Variants in PDE7B observed in about 807,000 individuals in gnomAD.
PDE7B encodes the protein 3',5'-cyclic-AMP phosphodiesterase 7B.
PDE7B carries 29 observed loss-of-function variants against 56.2 expected under a neutral mutation model. The ratio of observed to expected loss-of-function variants is 0.52; its 90% CI spans 0.38 to 0.70. The LOEUF is 0.70. PDE7B is among the 30% of genes least tolerant of loss of function. PDE7B has a pLI of 0.00. For synonymous variants in PDE7B, 197 were observed against 196.9 expected, an observed-to-expected ratio of 1.00 and a Z score of 0.00; for missense variants, 490 against 565.0, an observed-to-expected ratio of 0.87 and a Z score of 1.35.
chr6:136,136,381 T>G (rs1778211589), intron 3 of PDE7B, among the ~76,000 whole-genome samples: 1 of 152,080 alleles, frequency 6.6e-6, no homozygotes, highest in African/African-American at 2.4e-5. Context: ...AAAGAAAATT[T>G]AACAGAAATC....
intron 1 of PDE7B, among the ~76,000 whole-genome samples, chr6:135,933,840 G>C (rs2128197392): frequency 6.6e-6 from 1 of 152,058 alleles, no homozygotes; most frequent in South Asian, 2.1e-4. Context: ...TCTTATTTTT[G>C]TGACCATTCA....
intron 1 of PDE7B, among the ~76,000 whole-genome samples, chr6:135,881,452 G>C (rs999796692): frequency 2.6e-5 from 4 of 152,070 alleles, no homozygotes; most frequent in African/African-American, 9.7e-5. Flanking sequence ...ACGTTGCAAT[G>C]AGCTGAGATC....
rs1283908070 is a variant in PDE7B, at chr6:136,194,198, G to A, written c.*2358G>A. On this transcript the variant is annotated 3_prime_UTR_variant, in exon 13 of 13. Transcript: ENST00000308191. ...AAGGCAATTGCTGGGGACAAGAAAA[G>A]TAGAGGTAGGAAAGAAGACACTATT... is the stretch of plus-strand genomic sequence containing the variant. 6.6e-6 allele frequency: 1 copy of A among 152,164 alleles called. No individual in the cohort carries two copies. Among genetic ancestry groups the A allele is most frequent in the Non-Finnish European group, 1.5e-5 (1 of 68,030 alleles). 9.4% of individuals were successfully genotyped at this position (152,164 alleles called of 1,614,324 possible). A position where few individuals can be genotyped will look rare whatever the true frequency, so the allele number is the denominator to read the frequency against.
At chr6:135,872,601 A>G (rs1278718520) in intron 1 of PDE7B, among the ~76,000 whole-genome samples, 1 of 152,148 alleles carries the variant, frequency 6.6e-6, no homozygotes, top group Non-Finnish European at 1.5e-5. Context: ...TCAAGACCAC[A>G]CAGAAGAAAA....
chr6:135,972,844 G>A lies in PDE7B; in HGVS notation c.82+25320G>A, dbSNP rs187760434. Among the ~76,000 whole-genome samples, 230 of 152,128 alleles carry A rather than the reference G, an allele frequency of 1.5e-3. 1 individual carries two copies. The highest frequency in any genetic ancestry group is 2.4e-3 in the Non-Finnish European group (165 of 68,006). ...GCACAGCTAAGGTGGGTTGGGAGTG[G>A]GTGTGAGGAGAGAACAATTCAGAAA... On this transcript the variant is annotated intron_variant, in intron 2 of 12. Coordinates refer to ENST00000308191, the MANE Select transcript of PDE7B (RefSeq NM_018945.4).
chr6:136,177,905 T>C (rs1200919189), intron 9 of PDE7B, among the ~76,000 whole-genome samples: 1 of 152,156 alleles, frequency 6.6e-6, no homozygotes, highest in African/African-American at 2.4e-5. Context: ...TGGAATGGAT[T>C]TCATTATCAA....
chr6:136,018,711 G>A (rs993893852), intron 2 of PDE7B, among the ~76,000 whole-genome samples: 7 of 151,864 alleles, frequency 4.6e-5, no homozygotes, highest in Admixed American at 4.6e-4. Context: ...CCACATTTAT[G>A]GAAAGATAAT....
At position 136,154,112 on chromosome 6, in the gene PDE7B, T is replaced by A; in HGVS notation, c.516T>A (p.Tyr172Ter). 1.2e-6 allele frequency: 2 copies of A among 1,613,952 alleles called. No individual in the cohort carries two copies. Among genetic ancestry groups the A allele is most frequent in the Non-Finnish European group, 1.7e-6 (2 of 1,179,912 alleles). ...AAGATTACCACAGCCAAAACCCGTA[T>A]CACAATGCTGTTCACGCAGCCGACG... ...VQEDYHSQNP[Y>*]HNAVHAADVT... The change falls in exon 7 of 13, where the codon TAT becomes TAA. Residue 172 changes from tyrosine to a stop codon, truncating the protein, a stop_gained. Transcript: ENST00000308191. LOFTEE classifies it high-confidence loss of function.
rs752187218 is a variant in PDE7B at position 136,191,013 on chromosome 6, C to CTTTTTTTTT, written c.1127-585_1127-577dup. ...CTGCCTTCTTTAGCTCCAGCATACA[C>CTTTTTTTTT]TTTTTTTTTTTTTTTTTTTTTTTTA... On this transcript the variant is annotated intron_variant, in intron 12 of 12. Coordinates refer to ENST00000308191, the MANE Select transcript of PDE7B (RefSeq NM_018945.4). 1.3e-3 allele frequency among the ~76,000 whole-genome samples: 126 copies of CTTTTTTTTT among 99,250 alleles called. 14 individuals carry two copies. The highest frequency in any genetic ancestry group is 0.01 in the African/African-American group (115 of 11,090). The allele number at this position is 99,250 out of a possible 152,430, so 65.1% of individuals were successfully genotyped here. A position where few individuals can be genotyped will look rare whatever the true frequency, so the allele number is the denominator to read the frequency against.
chr6:135,921,536 A>G (rs1774080510), intron 1 of PDE7B, among the ~76,000 whole-genome samples: 1 of 152,188 alleles, frequency 6.6e-6, no homozygotes, highest in South Asian at 2.1e-4. Context: ...TAAAATTTTC[A>G]TAGCATAATA....
intron 2 of PDE7B, among the ~76,000 whole-genome samples, chr6:136,020,210 G>T (rs1332962830): frequency 1.3e-5 from 2 of 152,150 alleles, no homozygotes; most frequent in Non-Finnish European, 2.9e-5. Flanking sequence ...TGTGTGGATA[G>T]TTGTTCAAAT....
intron 2 of PDE7B, among the ~76,000 whole-genome samples, chr6:136,088,336 C>A (rs377374211): frequency 6.6e-6 from 1 of 152,072 alleles, no homozygotes; most frequent in Admixed American, 6.6e-5. Flanking sequence ...ATATCCCTTA[C>A]GGAAATATTA....
Position 135,981,655 on chromosome 6 carries a change from G to A in PDE7B, c.82+34131G>A, listed in dbSNP as rs551679370. ...CTTCCACCTCCACATTTTTCCCACAGGAAGGTCTTCAGGGGCAATAACACA... is the reference window on the plus strand; with the variant it reads ...CTTCCACCTCCACATTTTTCCCACAAGAAGGTCTTCAGGGGCAATAACACA... On this transcript the variant is annotated intron_variant, in intron 2 of 12. Coordinates refer to ENST00000308191, the MANE Select transcript of PDE7B (RefSeq NM_018945.4). 4.0e-5 allele frequency among the ~76,000 whole-genome samples: 6 copies of A among 151,098 alleles called. No homozygotes were observed. In the East Asian group the frequency reaches 9.8e-4, roughly 25 times the overall value.
intron 1 of PDE7B, among the ~76,000 whole-genome samples, chr6:135,907,300 T>C (rs1007877790): frequency 2.6e-5 from 4 of 152,244 alleles, no homozygotes; most frequent in African/African-American, 9.6e-5. Context: ...TTCCAACTCT[T>C]CTAGCAGCCC....
At chr6:136,012,266 G>A (rs576492873) in intron 2 of PDE7B, among the ~76,000 whole-genome samples, 4 of 152,042 alleles carry the variant, frequency 2.6e-5, no homozygotes, top group Non-Finnish European at 5.9e-5. Context: ...CCTTTCTTGA[G>A]GTGTCTCTGC....
chr6:135,984,812 A>G (rs1775349944), intron 2 of PDE7B, among the ~76,000 whole-genome samples: 1 of 152,050 alleles, frequency 6.6e-6, no homozygotes, highest in Admixed American at 6.6e-5. Context: ...GTACACTGAG[A>G]TCAGGTGGGG....
At chr6:136,007,091 A>T (rs1285842388) in intron 2 of PDE7B, among the ~76,000 whole-genome samples, 3 of 152,124 alleles carry the variant, frequency 2.0e-5, no homozygotes, top group Non-Finnish European at 4.4e-5. Context: ...CCTTCAATAC[A>T]TAGTTTATTG....
intron 1 of PDE7B, among the ~76,000 whole-genome samples, chr6:135,891,811 G>C (rs1317182296): frequency 1.3e-5 from 2 of 152,112 alleles, no homozygotes; most frequent in Non-Finnish European, 2.9e-5. Context: ...TCTTTTGAAA[G>C]GATTCTGTCA....
intron 3 of PDE7B, among the ~76,000 whole-genome samples, chr6:136,119,793 T>G (rs184689303): frequency 1.3e-5 from 2 of 152,342 alleles, no homozygotes; most frequent in Non-Finnish European, 2.9e-5. Flanking sequence ...TCTTCTTACA[T>G]TCTGTCTTTC....
Sources: gnomAD v4.1 joint callset for allele counts (sites outside exome capture counted in the v4.1 genomes callset) on GRCh38, gnomAD v4.1.1 for gene constraint, MANE v1.5 for transcripts, NCBI Gene and HGNC (gene_info 2026-07-23, HGNC 2026-07-21) for gene names.